Variants in ZRANB3 observed in about 807,000 individuals in gnomAD.
ZRANB3 encodes DNA annealing helicase and endonuclease ZRANB3.
Under a neutral mutation model 133.8 loss-of-function variants are expected in ZRANB3, and 125 were observed. That is an observed-to-expected ratio of 0.93 (90% CI 0.81 to 1.08). The LOEUF is 1.08. ZRANB3 is among the 50% of genes least tolerant of loss of function. The pLI is 0.00. For synonymous variants in ZRANB3, 387 were observed against 432.7 expected (o/e 0.89, Z 1.31); for missense variants, 1,229 against 1,275.5 (o/e 0.96, Z 0.56).
chr2:135,440,144 C>A (rs1034752652), intron 2 of ZRANB3, among the ~76,000 whole-genome samples: 1 of 152,186 alleles, frequency 6.6e-6, no homozygotes, highest in Admixed American at 6.6e-5. Context: ...AAAAATTCCT[C>A]AAAATCATAT....
intron 13 of ZRANB3, chr2:135,228,313 T>C (rs1015259138): frequency 5.3e-5 from 7 of 131,264 alleles, no homozygotes; most frequent in Non-Finnish European, 1.0e-4. Flanking sequence ...CTAAGTTTTG[T>C]TTTTTTTTTT....
chr2:135,384,433 C>A (rs1456787515), intron 3 of ZRANB3, among the ~76,000 whole-genome samples: 1 of 152,170 alleles, frequency 6.6e-6, no homozygotes, highest in African/African-American at 2.4e-5. Flanking sequence ...GAGCTGGTAC[C>A]ATTCCTTCTG....
intron 12 of ZRANB3, among the ~76,000 whole-genome samples, chr2:135,245,967 G>A (rs537543666): frequency 8.5e-6 from 1 of 117,654 alleles, no homozygotes; most frequent in South Asian, 3.0e-4. Flanking sequence ...GTTTCACCAT[G>A]ATAAACATCT....
chr2:135,274,478 G>A (rs1680682921), intron 9 of ZRANB3, among the ~76,000 whole-genome samples: 1 of 152,096 alleles, frequency 6.6e-6, no homozygotes, highest in Admixed American at 6.5e-5. Flanking sequence ...CACTGTGTAG[G>A]TAAATAAAAA....
intron 3 of ZRANB3, among the ~76,000 whole-genome samples, chr2:135,369,492 T>A (rs1686075004): frequency 6.6e-6 from 1 of 152,130 alleles, no homozygotes; most frequent in African/African-American, 2.4e-5. Context: ...TAGATAAAGG[T>A]TAAGAGAAAG....
At chr2:135,227,648 A>G (rs764441520) in intron 14 of ZRANB3, among the ~76,000 whole-genome samples, 164 bp downstream of exon 14, 1 of 152,236 alleles carries the variant, frequency 6.6e-6, no homozygotes, top group Non-Finnish European at 1.5e-5. Context: ...CAGCTCTTCT[A>G]GACATCTGGT....
chr2:135,502,077 A>G (rs781457696), intron 2 of ZRANB3, among the ~76,000 whole-genome samples: 23 of 152,288 alleles, frequency 1.5e-4, no homozygotes, highest in Non-Finnish European at 2.8e-4. Flanking sequence ...TGAAGAATGA[A>G]CTCAAGATAA....
intron 9 of ZRANB3, among the ~76,000 whole-genome samples, chr2:135,272,414 C>CTGTTTTTTT (rs1680562927): frequency 9.3e-6 from 1 of 107,774 alleles, no homozygotes; most frequent in African/African-American, 4.5e-5. Context: ...GAAAATAGAG[C>CTGTTTTTTT]TTTTTTTTTT....
At chr2:135,343,186 C>CAA (rs1176402987) in intron 6 of ZRANB3, among the ~76,000 whole-genome samples, 7 of 46,460 alleles carry the variant, frequency 1.5e-4, no homozygotes, top group East Asian at 1.3e-3. Flanking sequence ...ACTCTGTCTC[C>CAA]AAAAAAAAAA....
intron 2 of ZRANB3, among the ~76,000 whole-genome samples, chr2:135,483,055 C>T (rs1691910540): frequency 6.6e-6 from 1 of 152,086 alleles, no homozygotes; most frequent in African/African-American, 2.4e-5. Context: ...CAATGTTCAT[C>T]AAGGATATTG....
At chr2:135,306,504 G>A (rs2104815235) in intron 8 of ZRANB3, among the ~76,000 whole-genome samples, 1 of 151,328 alleles carries the variant, frequency 6.6e-6, no homozygotes, top group African/African-American at 2.4e-5. Context: ...ATGTTAGCCA[G>A]GATGGTCTTG....
intron 2 of ZRANB3, among the ~76,000 whole-genome samples, chr2:135,395,767 T>C (rs1687462199): frequency 6.6e-6 from 1 of 152,108 alleles, no homozygotes; most frequent in South Asian, 2.1e-4. Context: ...TGGGCAAAGA[T>C]TTCTTGAGTA....
intron 2 of ZRANB3, among the ~76,000 whole-genome samples, chr2:135,393,176 T>A (rs900332385): frequency 6.6e-6 from 1 of 152,116 alleles, no homozygotes; most frequent in African/African-American, 2.4e-5. Context: ...CCCCAATAAA[T>A]ATCTTTACAA....
chr2:135,211,456 A>G (rs1451008722), intron 17 of ZRANB3, among the ~76,000 whole-genome samples: 2 of 152,034 alleles, frequency 1.3e-5, no homozygotes, highest in Admixed American at 1.3e-4. Flanking sequence ...CAGGAGAATC[A>G]CTTGAATCCG....
intron 1 of ZRANB3, among the ~76,000 whole-genome samples, chr2:135,524,962 T>G (rs1036423976): frequency 6.6e-6 from 1 of 152,042 alleles, no homozygotes; most frequent in African/African-American, 2.4e-5. Flanking sequence ...ATTTTTTTAC[T>G]AATCTGGGGT....
chr2:135,440,664 C>T lies in ZRANB3; in HGVS notation c.162-49844G>A, dbSNP rs546954397. Reference sequence around the variant, plus strand: ...TGAACAAAAAGAAGGAGCTTGGAAACAGATTTTTTCCATGGATCCTCCAGA... The same window carrying T: ...TGAACAAAAAGAAGGAGCTTGGAAATAGATTTTTTCCATGGATCCTCCAGA... On this transcript the variant is annotated intron_variant, in intron 2 of 20. Transcript: ENST00000264159. Among the ~76,000 whole-genome samples the T allele has an allele frequency of 3.0e-4, 45 of 152,270 alleles. 1 individual carries two copies. The highest frequency in any genetic ancestry group is 1.1e-3 in the African/African-American group (45 of 41,556).
chr2:135,293,656 G>C (rs1417554575), intron 8 of ZRANB3, among the ~76,000 whole-genome samples: 2 of 151,532 alleles, frequency 1.3e-5, no homozygotes, highest in Non-Finnish European at 2.9e-5. Context: ...GTGAGACAGG[G>C]CATCCCTGTC....
rs140192847 is a variant in ZRANB3 at position 135,238,298 on chromosome 2, T to C, written c.1540-7371A>G. Among the ~76,000 whole-genome samples the C allele has an allele frequency of 5.3e-3, 811 of 152,282 alleles. 6 individuals are homozygous for C. The highest frequency in any genetic ancestry group is 7.7e-3 in the Non-Finnish European group (527 of 68,008). ...ACAATGTGACACTGACATGCCTCCA[T>C]TGAGAGGTGGGATCTATGTTCTTCT... On this transcript the variant is annotated intron_variant, in intron 12 of 20. Coordinates refer to ENST00000264159, the MANE Select transcript of ZRANB3 (RefSeq NM_032143.4).
At chr2:135,474,401 T>C (rs1247740619) in intron 2 of ZRANB3, among the ~76,000 whole-genome samples, 3 of 152,140 alleles carry the variant, frequency 2.0e-5, no homozygotes, top group Non-Finnish European at 1.5e-5. Context: ...TAAAATGTGA[T>C]CCCCAATGGT....
Sources: allele counts gnomAD v4.1 joint callset (sites outside exome capture counted in the v4.1 genomes callset), GRCh38; gene constraint gnomAD v4.1.1; transcripts MANE v1.5; gene names NCBI Gene and HGNC (gene_info 2026-07-23, HGNC 2026-07-21).